The following LRBA variants were observed in gnomAD, a reference collection of about 807,000 sequenced individuals.
The protein encoded by LRBA is lipopolysaccharide-responsive and beige-like anchor protein.
Under a neutral mutation model 330.0 loss-of-function variants are expected in LRBA, and 176 were observed. The ratio of observed to expected loss-of-function variants is 0.53; its 90% CI spans 0.47 to 0.60. The LOEUF (loss-of-function observed/expected upper bound fraction) is 0.60, where lower values mean the gene tolerates loss of function less well. Ranked by LOEUF, LRBA falls within the 20% of genes least tolerant of loss-of-function variation. The probability of loss-of-function intolerance (pLI) is 0.00; values close to 1 mark genes in which losing one functional copy is unlikely to be tolerated. For synonymous variants in LRBA, 1,230 were observed against 1,193.0 expected (o/e 1.03, Z -0.64); for missense variants, 3,259 against 3,444.8 (o/e 0.95, Z 1.35).
At chr4:150,827,702 AG>A (rs1746474765) in intron 30 of LRBA, among the ~76,000 whole-genome samples, 1 of 151,346 alleles carries the variant, frequency 6.6e-6, no homozygotes, top group African/African-American at 2.4e-5. Context: ...CCTGGGTTCA[AG>A]CGATTCTCCT....
At chr4:150,894,458 C>CA (rs943125719) in intron 16 of LRBA, among the ~76,000 whole-genome samples, 1 of 152,164 alleles carries the variant, frequency 6.6e-6, no homozygotes, top group South Asian at 2.1e-4. Flanking sequence ...TCTAGACCCC[C>CA]AAAAAAACTT....
chr4:150,691,130 C>G (rs1229378469), intron 36 of LRBA, among the ~76,000 whole-genome samples: 1 of 151,794 alleles, frequency 6.6e-6, no homozygotes, highest in African/African-American at 2.4e-5. Context: ...CGGGGTTTCA[C>G]CATGTTAGCC....
chr4:150,394,721 G>T (rs779840555), intron 47 of LRBA, among the ~76,000 whole-genome samples: 1 of 152,150 alleles, frequency 6.6e-6, no homozygotes, highest in South Asian at 2.1e-4. Context: ...CATGGCACAG[G>T]CTTCACTTGG....
At chr4:150,266,094 TTTGTAACTAAAATCTG>T (rs1745290822) in intron 56 of LRBA, among the ~76,000 whole-genome samples, 1 of 30,290 alleles carries the variant, frequency 3.3e-5, no homozygotes, top group South Asian at 6.1e-3. Context: ...TCTGAACAGA[TTTGTAACTAAAATCTG>T]AACAGATTTG....
intron 48 of LRBA, among the ~76,000 whole-genome samples, chr4:150,347,549 G>A (rs1012097536): frequency 6.6e-6 from 1 of 151,978 alleles, no homozygotes; most frequent in East Asian, 1.9e-4. Context: ...AGGAGGCTGA[G>A]GCAGGAGAAT....
chr4:150,948,923 A>G (rs924110600), intron 2 of LRBA, among the ~76,000 whole-genome samples: 1 of 152,010 alleles, frequency 6.6e-6, no homozygotes, highest in African/African-American at 2.4e-5. Context: ...AACTAAAAAA[A>G]TAATGACAAC....
chr4:150,278,986 G>A (rs376666334), intron 55 of LRBA, among the ~76,000 whole-genome samples: 14 of 152,070 alleles, frequency 9.2e-5, no homozygotes, highest in South Asian at 6.2e-4. Flanking sequence ...CACAACACCC[G>A]TCTAACTTTT....
rs546511445 is a variant in LRBA at position 150,614,116 on chromosome 4, G to C, written c.5922-14985C>G. 1.2e-4 allele frequency among the ~76,000 whole-genome samples: 18 copies of C among 152,286 alleles called. No homozygotes were observed. The South Asian group carries it at 3.5e-3, about 30-fold the overall frequency. On this transcript the variant is annotated intron_variant, in intron 37 of 56. Transcript: ENST00000651943. ...GAATGGGGAGTCAACCCCTTCCTTC[G>C]GATTTAGACTCTTGCTAATACCATC...
At chr4:150,983,639 G>A (rs1167345693) in intron 2 of LRBA, among the ~76,000 whole-genome samples, 1 of 151,664 alleles carries the variant, frequency 6.6e-6, no homozygotes, top group Non-Finnish European at 1.5e-5. Context: ...TTTTTTAGTA[G>A]ATAAAGGGTT....
chr4:150,409,242 G>A (rs964605984), intron 47 of LRBA, among the ~76,000 whole-genome samples: 41 of 151,988 alleles, frequency 2.7e-4, no homozygotes, highest in African/African-American at 8.2e-4. Flanking sequence ...GGTCCTTCCC[G>A]TACAGCATTT....
intron 47 of LRBA, among the ~76,000 whole-genome samples, chr4:150,403,727 A>C (rs979816549): frequency 2.6e-5 from 4 of 152,130 alleles, no homozygotes; most frequent in African/African-American, 9.7e-5. Flanking sequence ...AATAGATGAC[A>C]AAATATACAC....
At chr4:150,826,571 CT>C in intron 30 of LRBA, among the ~76,000 whole-genome samples, 1 of 152,134 alleles carries the variant, frequency 6.6e-6, no homozygotes, top group Non-Finnish European at 1.5e-5. Context: ...TGGATTGGTT[CT>C]ATTGATACTT....
chr4:150,861,033 A>T (rs1342024764), intron 22 of LRBA, among the ~76,000 whole-genome samples: 1 of 152,124 alleles, frequency 6.6e-6, no homozygotes, highest in African/African-American at 2.4e-5. Flanking sequence ...TTATTACTGT[A>T]CAGAAGACTG....
At chr4:150,995,778 C>T (rs969147684) in intron 2 of LRBA, among the ~76,000 whole-genome samples, 2 of 151,844 alleles carry the variant, frequency 1.3e-5, no homozygotes, top group Admixed American at 1.3e-4. Context: ...CACAAAATAC[C>T]TCAATAAATA....
At chr4:150,306,639 AACAC>A (rs1378157184) in intron 52 of LRBA, among the ~76,000 whole-genome samples, 1 of 114,094 alleles carries the variant, frequency 8.8e-6, no homozygotes, top group Non-Finnish European at 1.9e-5. Flanking sequence ...TATACACACA[AACAC>A]ACACATTTTT....
At chr4:150,405,095 A>G (rs1348909312) in intron 47 of LRBA, among the ~76,000 whole-genome samples, 1 of 152,204 alleles carries the variant, frequency 6.6e-6, no homozygotes, top group Non-Finnish European at 1.5e-5. Flanking sequence ...TAAATAACAT[A>G]ATCAATCACA....
Position 150,552,766 on chromosome 4 carries a change from G to A in LRBA, c.6330+35282C>T, listed in dbSNP as rs571084352. Among the ~76,000 whole-genome samples the A allele has an allele frequency of 1.4e-4, 21 of 152,186 alleles. 1 individual carries two copies. In the South Asian group the frequency reaches 4.4e-3, roughly 32 times the overall value. ...CCAACCCAAATGTCCATCAATGATA[G>A]ACTGGATTAAAAAAATGTGGCAGCT... On this transcript the variant is annotated intron_variant, in intron 40 of 56. Transcript: ENST00000651943.
At chr4:150,300,714 A>C (rs1259627715) in intron 53 of LRBA, among the ~76,000 whole-genome samples, 1 of 152,128 alleles carries the variant, frequency 6.6e-6, no homozygotes, top group Admixed American at 6.5e-5. Flanking sequence ...AAAGTATTTA[A>C]ACATATGAAA....
chr4:150,584,122 TG>T, intron 40 of LRBA: 2 of 1,508,244 alleles, frequency 1.3e-6, no homozygotes, highest in Non-Finnish European at 1.8e-6. Flanking sequence ...TGCTGGGGAC[TG>T]CTTGAAAAGC....
Sources: allele counts gnomAD v4.1 joint callset (sites outside exome capture counted in the v4.1 genomes callset), GRCh38; gene constraint gnomAD v4.1.1; transcripts MANE v1.5; gene names NCBI Gene and HGNC (gene_info 2026-07-23, HGNC 2026-07-21).